Variants in AHCY observed in about 807,000 individuals in gnomAD.
The protein encoded by AHCY is adenosylhomocysteinase.
In AHCY, 24 loss-of-function variants were observed where a neutral mutation model predicts 45.4. The observed-to-expected ratio is 0.53, with a 90% CI of 0.38 to 0.74. The LOEUF is 0.74. Among genes scored for constraint, AHCY ranks in the 30% least tolerant of loss-of-function variants. AHCY has a pLI of 0.00. For missense variants in AHCY, 449 were observed against 594.1 expected, an observed-to-expected ratio of 0.76 and a Z score of 2.54; for synonymous variants, 245 against 235.1, an observed-to-expected ratio of 1.04 and a Z score of -0.39.
At chr20:34,235,836 AGAAAGAAG>A in the AHCY span, among the ~76,000 whole-genome samples, 75 of 64,152 alleles carry the variant, frequency 1.2e-3, no homozygotes, top group South Asian at 1.5e-3. Context: ...AAAGAAAGAA[AGAAAGAAG>A]GAAGGAAGGA....
At chr20:34,305,721 G>A (rs891649874), upstream of AHCY, among the ~76,000 whole-genome samples, 2 of 152,166 alleles carry the variant, frequency 1.3e-5, no homozygotes, top group Non-Finnish European at 2.9e-5. Context: ...ATGAATGCTG[G>A]TCTTTGTCAG....
the AHCY span, among the ~76,000 whole-genome samples, chr20:34,253,381 C>T: frequency 1.5e-3 from 220 of 151,488 alleles, 2 homozygotes; most frequent in Non-Finnish European, 2.2e-3. Flanking sequence ...GCTGGGATTA[C>T]GGGCGTGAGC....
chr20:34,301,744 G>C, intron 1 of AHCY: 1 of 894,350 alleles, frequency 1.1e-6, no homozygotes. Context: ...CTATTGATGT[G>C]ACCTTCACAT....
the AHCY span, among the ~76,000 whole-genome samples, chr20:34,233,143 C>CTTTTTTTTTTTTTTTT: frequency 1.0e-5 from 1 of 100,314 alleles, no homozygotes; most frequent in African/African-American, 4.3e-5. Flanking sequence ...GGGACAAGAG[C>CTTTTTTTTTTTTTTTT]TTTTTTTTTT....
the AHCY span, among the ~76,000 whole-genome samples, chr20:34,266,517 A>G: frequency 6.6e-6 from 1 of 151,944 alleles, no homozygotes; most frequent in African/African-American, 2.4e-5. Flanking sequence ...TACTAAAAAT[A>G]CAAAAATTAG....
Position 34,290,630 on chromosome 20 carries a change from C to T in AHCY, c.775G>A (p.Val259Met), listed in dbSNP as rs754268839. ...ALQAAMEGYE[V>M]TTMDEACQEG... ...TGACAGGCCTCATCCATGGTGGTCACCTCATAGCCTGTGCAGAGACAGTGG... is the reference window on the plus strand; with the variant it reads ...TGACAGGCCTCATCCATGGTGGTCATCTCATAGCCTGTGCAGAGACAGTGG... Residue 259 changes from valine (V) to methionine (M), a missense_variant, in exon 7 of 10, where the codon GTG (valine) becomes ATG (methionine). Transcript: ENST00000217426. This position sits in a 1 kb window ranked among gnomAD's most constrained non-coding sequence, Gnocchi z 4.5. 7 of 1,614,194 alleles carry T rather than the reference C, an allele frequency of 4.3e-6. No homozygotes were observed. The highest frequency in any genetic ancestry group is 5.9e-6 in the Non-Finnish European group (7 of 1,180,038).
downstream of AHCY, among the ~76,000 whole-genome samples, chr20:34,278,598 A>G (rs941848447): frequency 1.3e-5 from 2 of 152,124 alleles, no homozygotes; most frequent in Non-Finnish European, 2.9e-5. Flanking sequence ...GGAAATCTGA[A>G]TCCAGGCTCC....
At chr20:34,274,380 C>T in the AHCY span, among the ~76,000 whole-genome samples, 1 of 152,138 alleles carries the variant, frequency 6.6e-6, no homozygotes, top group Non-Finnish European at 1.5e-5. Flanking sequence ...CATGTCATTC[C>T]AGAGCCTAGG....
chr20:34,236,078 AAGAG>A, the AHCY span, among the ~76,000 whole-genome samples: 1 of 138,544 alleles, frequency 7.2e-6, no homozygotes, highest in African/African-American at 2.8e-5. Context: ...AAGAAAGAGA[AAGAG>A]AAGGAAGGAA....
At chr20:34,273,368 T>C in the AHCY span, among the ~76,000 whole-genome samples, 2 of 152,234 alleles carry the variant, frequency 1.3e-5, no homozygotes, top group Non-Finnish European at 2.9e-5. Flanking sequence ...CTGACTGATT[T>C]ACTTTTCACT....
the AHCY span, chr20:34,246,153 C>T: frequency 2.9e-6 from 3 of 1,024,904 alleles, no homozygotes; most frequent in East Asian, 4.8e-5. Flanking sequence ...AGGCCACACA[C>T]TCTTGTCACA....
chr20:34,268,897 C>T, the AHCY span: 36 of 1,468,456 alleles, frequency 2.5e-5, no homozygotes, highest in Middle Eastern at 2.1e-4. Context: ...ACCTCTGGTC[C>T]GGGATCTCCC....
At chr20:34,285,318 G>C (rs2036136138) in intron 9 of AHCY, 122 bp downstream of exon 9, 3 of 1,047,642 alleles carry the variant, frequency 2.9e-6, no homozygotes, top group Non-Finnish European at 4.4e-6. Flanking sequence ...CACTGTAGAG[G>C]ACCCCATGAG....
the AHCY span, among the ~76,000 whole-genome samples, chr20:34,257,058 CTCTTTCTT>C: frequency 1.6e-5 from 2 of 124,030 alleles, no homozygotes; most frequent in Non-Finnish European, 1.6e-5. Flanking sequence ...CTTTCTCTCT[CTCTTTCTT>C]TCTCTTTTTT....
At chr20:34,292,602 C>T (rs2036436276) in intron 3 of AHCY, 95 bp from the exon 4 acceptor site, 2 of 1,563,076 alleles carry the variant, frequency 1.3e-6, no homozygotes, top group South Asian at 2.2e-5. Context: ...TCCTTCCCAA[C>T]TCCCATCCCC....
Position 34,290,962 on chromosome 20 carries a change from A to T in AHCY, c.559-24T>A, listed in dbSNP as rs762227391. 1 of 1,612,574 alleles carries T rather than the reference A, an allele frequency of 6.2e-7. No homozygotes were observed. Among genetic ancestry groups the T allele is most frequent in the African/African-American group, 1.3e-5 (1 of 74,856 alleles). On this transcript the variant is annotated intron_variant, in intron 5 of 9. Transcript: ENST00000217426. This position sits in a 1 kb window ranked among gnomAD's most constrained non-coding sequence, Gnocchi z 4.5. The stretch of plus-strand genomic sequence containing the variant: ...CTCTGAAAGGAAAGGGGGTAAGGAG[A>T]CAATAGGGGCAGGCAAGGCCCTGGG...
At chr20:34,257,064 CTT>C in the AHCY span, among the ~76,000 whole-genome samples, 14,541 of 125,356 alleles carry the variant, frequency 0.12, 717 homozygotes, top group East Asian at 0.23. Flanking sequence ...CTCTCTCTTT[CTT>C]TCTCTTTTTT....
chr20:34,311,285 C>T (rs750059467), intron 1 of AHCY, among the ~76,000 whole-genome samples: 18 of 152,192 alleles, frequency 1.2e-4, no homozygotes, highest in Non-Finnish European at 2.5e-4. Flanking sequence ...ATATACCAGG[C>T]TGGATGTACA....
chr20:34,265,987 G>A, the AHCY span, among the ~76,000 whole-genome samples: 2 of 152,118 alleles, frequency 1.3e-5, no homozygotes, highest in Admixed American at 1.3e-4. Flanking sequence ...TTAAAACATT[G>A]TTAGTAAATT....
Sources: allele counts gnomAD v4.1 joint callset (sites outside exome capture counted in the v4.1 genomes callset), GRCh38; gene constraint gnomAD v4.1.1; non-coding constraint Gnocchi (gnomAD v3.1); transcripts MANE v1.5; gene names NCBI Gene and HGNC (gene_info 2026-07-23, HGNC 2026-07-21).